KIAA0586: variants seen among roughly 807,000 people sequenced by gnomAD.
KIAA0586 encodes KIAA0586, also known as protein TALPID3.
Under a neutral mutation model 169.8 loss-of-function variants are expected in KIAA0586, and 144 were observed. That is an observed-to-expected ratio of 0.85 (90% CI 0.74 to 0.97). The LOEUF (loss-of-function observed/expected upper bound fraction) is 0.97, where lower values mean the gene tolerates loss of function less well. KIAA0586 is among the 50% of genes least tolerant of loss of function. The pLI is 0.00. For missense variants in KIAA0586, 1,854 were observed against 1,823.0 expected, an observed-to-expected ratio of 1.02 and a Z score of -0.31; for synonymous variants, 625 against 612.4, an observed-to-expected ratio of 1.02 and a Z score of -0.30.
intron 30 of KIAA0586, among the ~76,000 whole-genome samples, chr14:58,545,886 T>C (rs931012949): frequency 6.6e-6 from 1 of 151,404 alleles, no homozygotes; most frequent in African/African-American, 2.4e-5. Flanking sequence ...TTTTAAAAAT[T>C]AGCCAGGCAT....
At chr14:58,507,693 G>A (rs187493526) in intron 27 of KIAA0586, among the ~76,000 whole-genome samples, 53 of 152,198 alleles carry the variant, frequency 3.5e-4, no homozygotes, top group African/African-American at 1.3e-3. Flanking sequence ...AGTATATAGT[G>A]CAATACAAAG....
At chr14:58,541,749 A>G (rs2046647750) in intron 30 of KIAA0586, among the ~76,000 whole-genome samples, 1 of 152,242 alleles carries the variant, frequency 6.6e-6, no homozygotes, top group African/African-American at 2.4e-5. Context: ...AAATGTCAAA[A>G]ACGTGTATTA....
chr14:58,547,025 T>A (rs921039270), intron 30 of KIAA0586, among the ~76,000 whole-genome samples: 6 of 152,144 alleles, frequency 3.9e-5, no homozygotes, highest in Non-Finnish European at 8.8e-5. Flanking sequence ...CCTTAGGCAC[T>A]CAGTAAATCA....
chr14:58,495,235 T>C (rs2043083984), intron 26 of KIAA0586, among the ~76,000 whole-genome samples: 1 of 152,136 alleles, frequency 6.6e-6, no homozygotes, highest in Non-Finnish European at 1.5e-5. Flanking sequence ...TAAGCATTTA[T>C]ATATGTATAA....
intron 4 of KIAA0586, chr14:58,433,079 CTT>C (rs976689014): frequency 7.9e-5 from 12 of 152,152 alleles, no homozygotes; most frequent in African/African-American, 2.9e-4. Flanking sequence ...TGATATGTCT[CTT>C]AAGTTTGTTT....
At chr14:58,448,671 C>T (rs2039109397) in intron 7 of KIAA0586, among the ~76,000 whole-genome samples, 178 bp downstream of exon 7, 1 of 151,700 alleles carries the variant, frequency 6.6e-6, no homozygotes, top group African/African-American at 2.4e-5. Context: ...AATTGTGTTT[C>T]TCAGGCTACC....
chr14:58,524,319 C>G lies in KIAA0586; in HGVS notation c.4429+11692C>G, dbSNP rs541767904. Among the ~76,000 whole-genome samples, 18 of 152,230 alleles carry G rather than the reference C, an allele frequency of 1.2e-4. 1 individual carries two copies. The highest frequency in any genetic ancestry group is 4.1e-4 in the African/African-American group (17 of 41,532). On this transcript the variant is annotated intron_variant, in intron 29 of 30. Transcript: ENST00000652326. ...AATTAGAACAGAGAAGTGATATAGTCTTATTATGCATATAGGATGAACCAC... is the reference window on the plus strand; with the variant it reads ...AATTAGAACAGAGAAGTGATATAGTGTTATTATGCATATAGGATGAACCAC...
rs1748986 is a variant in KIAA0586, at chr14:58,470,698, T to C, written c.2528T>C (p.Leu843Pro). The change falls in exon 17 of 31, where the codon CTT becomes CCT. Residue 843 changes from leucine to proline, a missense_variant. By Grantham distance (98) the Leu-to-Pro change is moderately conservative. Coordinates refer to ENST00000652326, the MANE Select transcript of KIAA0586 (RefSeq NM_001329943.3). ...SPLSSPKEAS[L>P]PPVQTWIKTP... ...CTGTCTAGCCCCAAAGAAGCATCTCTTCCTCCTGTGCAAACTTGGATAAAG... is the reference window on the plus strand; with the variant it reads ...CTGTCTAGCCCCAAAGAAGCATCTCCTCCTCCTGTGCAAACTTGGATAAAG... The C allele has an allele frequency of 0.99, 1,590,118 of 1,598,238 alleles. 791,233 individuals are homozygous for C. Among genetic ancestry groups the C allele is most frequent in the Non-Finnish European group, 1 (1,165,215 of 1,166,006 alleles).
intron 9 of KIAA0586, among the ~76,000 whole-genome samples, chr14:58,455,997 C>G (rs575140564): frequency 6.6e-6 from 1 of 150,742 alleles, no homozygotes; most frequent in Non-Finnish European, 1.5e-5. Context: ...ACTAGTGTCA[C>G]TACCTCACGC....
chr14:58,437,443 G>T (rs1034173843), intron 4 of KIAA0586, among the ~76,000 whole-genome samples: 4 of 152,066 alleles, frequency 2.6e-5, no homozygotes, highest in Admixed American at 6.6e-5. Flanking sequence ...CCAGACAGTG[G>T]CTCATGCCTA....
chr14:58,439,150 A>C (rs1440033646), intron 4 of KIAA0586, among the ~76,000 whole-genome samples: 2 of 152,182 alleles, frequency 1.3e-5, no homozygotes, highest in Admixed American at 6.5e-5. Context: ...ACAGTGATCA[A>C]GTAAATCCTG....
rs118143735 is a variant in KIAA0586, at chr14:58,464,683, G to A, written c.2060-1152G>A. On this transcript the variant is annotated intron_variant, in intron 14 of 30. Coordinates refer to ENST00000652326, the MANE Select transcript of KIAA0586 (RefSeq NM_001329943.3). ...TGTACAGCAGTCCCCCCTTATTCAT[G>A]GGGGATGTGTCCCAATACCCTCAAT... Among the ~76,000 whole-genome samples the A allele has an allele frequency of 4.6e-4, 70 of 152,162 alleles. No individual in the cohort carries two copies. The East Asian group carries it at 0.011, about 23-fold the overall frequency.
At chr14:58,464,131 G>T in intron 14 of KIAA0586, 1 of 400,168 alleles carries the variant, frequency 2.5e-6, no homozygotes, top group South Asian at 1.9e-5. Context: ...AGAACTGGAA[G>T]GTGAAAACAA....
intron 20 of KIAA0586, among the ~76,000 whole-genome samples, chr14:58,478,822 A>G (rs1334583606): frequency 6.6e-6 from 1 of 152,214 alleles, no homozygotes; most frequent in Admixed American, 6.5e-5. Flanking sequence ...AATTTCATAC[A>G]TATGTAATCA....
chr14:58,530,980 TAAAC>T (rs1413567906), intron 29 of KIAA0586, among the ~76,000 whole-genome samples: 9 of 151,938 alleles, frequency 5.9e-5, no homozygotes, highest in Admixed American at 3.9e-4. Context: ...GTGAGGAACT[TAAAC>T]AAATTTACAA....
At chr14:58,542,606 C>T (rs2046711507) in intron 30 of KIAA0586, among the ~76,000 whole-genome samples, 2 of 152,158 alleles carry the variant, frequency 1.3e-5, no homozygotes, top group Non-Finnish European at 2.9e-5. Context: ...ATTTAGAGGC[C>T]TTCCAGAGTG....
chr14:58,557,234 A>G, the KIAA0586 span, among the ~76,000 whole-genome samples: 1 of 152,310 alleles, frequency 6.6e-6, no homozygotes, highest in East Asian at 1.9e-4. Context: ...ATTTCTGGGT[A>G]ATAGGGTAGG....
At chr14:58,516,229 G>C (rs537214171) in intron 29 of KIAA0586, among the ~76,000 whole-genome samples, 1 of 152,162 alleles carries the variant, frequency 6.6e-6, no homozygotes, top group Admixed American at 6.5e-5. Flanking sequence ...AAGGCAGAGA[G>C]TCTCTCTCAC....
At position 58,488,863 on chromosome 14, in the gene KIAA0586, T is replaced by G; in HGVS notation, c.3770T>G (p.Leu1257Trp). The G allele has an allele frequency of 2.5e-6, 4 of 1,613,798 alleles. No individual in the cohort carries two copies. Among genetic ancestry groups the G allele is most frequent in the Non-Finnish European group, 3.4e-6 (4 of 1,179,790 alleles). The part of the protein sequence containing the change: ...GEILFSCGQK[L>W]APKILEDIGL... Reference sequence around the variant, plus strand: ...ATTTTATTTAGCTGTGGTCAAAAATTGGCCCCCAAGAGTAAGTTAATTTGT... The same window carrying G: ...ATTTTATTTAGCTGTGGTCAAAAATGGGCCCCCAAGAGTAAGTTAATTTGT... The change falls in exon 24 of 31, where the codon TTG (leucine) becomes TGG (tryptophan). Residue 1257 changes from leucine (L) to tryptophan (W), a missense_variant. Coordinates refer to ENST00000652326, the MANE Select transcript of KIAA0586 (RefSeq NM_001329943.3).
Sources: allele counts gnomAD v4.1 joint callset (sites outside exome capture counted in the v4.1 genomes callset), GRCh38; gene constraint gnomAD v4.1.1; transcripts MANE v1.5; gene names NCBI Gene and HGNC (gene_info 2026-07-23, HGNC 2026-07-21).